The following AP3B1 variants were observed in gnomAD, a reference collection of about 807,000 sequenced individuals.
The protein encoded by AP3B1 is AP-3 complex subunit beta-1.
A neutral mutation model predicts 132.5 loss-of-function variants in AP3B1; 61 were observed. That is an observed-to-expected ratio of 0.46 (90% CI 0.37 to 0.57). The LOEUF (loss-of-function observed/expected upper bound fraction) is 0.57, where lower values mean the gene tolerates loss of function less well. AP3B1 is among the 20% of genes least tolerant of loss of function. The pLI, the probability that AP3B1 is intolerant of heterozygous loss-of-function variation, is 0.00. For missense variants in AP3B1, 1,120 were observed against 1,289.4 expected, an observed-to-expected ratio of 0.87 and a Z score of 2.01; for synonymous variants, 388 against 438.3, an observed-to-expected ratio of 0.89 and a Z score of 1.43.
chr5:78,046,178 G>A (rs1243329248), intron 22 of AP3B1, among the ~76,000 whole-genome samples: 1 of 152,210 alleles, frequency 6.6e-6, no homozygotes, highest in East Asian at 1.9e-4. Context: ...ACCTGTACCA[G>A]GCCATGGGTT....
intron 11 of AP3B1, among the ~76,000 whole-genome samples, chr5:78,175,079 C>A (rs999572019): frequency 6.6e-6 from 1 of 152,252 alleles, no homozygotes; most frequent in Non-Finnish European, 1.5e-5. Flanking sequence ...CTTGGGAAAG[C>A]GCAGTTTTTG....
At position 78,060,170 on chromosome 5, in the gene AP3B1, A is replaced by G. The variant is rs914371837; in HGVS notation, c.2578-20896T>C. ...CTCTCTAAAATAAGCACAATACAAA[A>G]AGTCAGATGTTTATAAAAGTTATAC... On this transcript the variant is annotated intron_variant, in intron 22 of 26. Transcript: ENST00000255194. Among the ~76,000 whole-genome samples the G allele has an allele frequency of 3.9e-5, 6 of 152,326 alleles. 1 individual carries two copies. Among genetic ancestry groups the G allele is most frequent in the Admixed American group, 3.9e-4 (6 of 15,306 alleles).
chr5:78,068,151 C>A (rs1206023783), intron 22 of AP3B1, among the ~76,000 whole-genome samples: 1 of 152,030 alleles, frequency 6.6e-6, no homozygotes, highest in Non-Finnish European at 1.5e-5. Context: ...ATGGAGAAAC[C>A]CCATCTCTAC....
intron 15 of AP3B1, among the ~76,000 whole-genome samples, chr5:78,139,599 A>G (rs1400593766): frequency 6.6e-6 from 1 of 152,220 alleles, no homozygotes; most frequent in Non-Finnish European, 1.5e-5. Flanking sequence ...AGCAAAAGCT[A>G]TAATAAGATA....
intron 17 of AP3B1, among the ~76,000 whole-genome samples, chr5:78,118,225 G>C (rs1751949990): frequency 6.6e-6 from 1 of 152,198 alleles, no homozygotes; most frequent in Admixed American, 6.5e-5. Flanking sequence ...TGGCCGAATA[G>C]GAACAGCTCC....
chr5:78,181,869 T>C (rs1225240117), intron 7 of AP3B1, among the ~76,000 whole-genome samples: 4 of 152,198 alleles, frequency 2.6e-5, no homozygotes, highest in Non-Finnish European at 5.9e-5. Context: ...TACTGTGCTA[T>C]AGATGATGTG....
At chr5:78,155,626 C>A in intron 14 of AP3B1, among the ~76,000 whole-genome samples, 1 of 151,692 alleles carries the variant, frequency 6.6e-6, no homozygotes, top group East Asian at 1.9e-4. Context: ...GTGAAAGATG[C>A]CAGAAACAAA....
intron 22 of AP3B1, among the ~76,000 whole-genome samples, chr5:78,047,218 G>A (rs1236900941): frequency 6.6e-6 from 1 of 152,220 alleles, no homozygotes; most frequent in African/African-American, 2.4e-5. Context: ...TATATACCCA[G>A]TAATGGGATT....
chr5:78,043,862 T>G (rs1322630469), intron 22 of AP3B1: 13 of 366,130 alleles, frequency 3.6e-5, no homozygotes, highest in Non-Finnish European at 6.4e-5. Flanking sequence ...ACACAGGCAT[T>G]GACATGACCA....
intron 1 of AP3B1, among the ~76,000 whole-genome samples, chr5:78,282,513 G>T (rs1171144914): frequency 6.6e-6 from 1 of 152,068 alleles, no homozygotes; most frequent in Admixed American, 6.6e-5. Flanking sequence ...CACATTAAAG[G>T]TACTTTGTAT....
At chr5:78,267,703 A>G in intron 1 of AP3B1, 108 bp from the exon 2 acceptor site, 1 of 680,136 alleles carries the variant, frequency 1.5e-6, no homozygotes, top group South Asian at 2.0e-5. Context: ...GCAATGTTAA[A>G]TAACTGCAGC....
chr5:78,151,623 T>C (rs1464085797), intron 14 of AP3B1, among the ~76,000 whole-genome samples: 1 of 152,324 alleles, frequency 6.6e-6, no homozygotes, highest in East Asian at 1.9e-4. Flanking sequence ...ATATGTTTTT[T>C]GTCCCTCATT....
chr5:78,195,043 T>C (rs980293907), intron 7 of AP3B1, among the ~76,000 whole-genome samples: 2 of 147,702 alleles, frequency 1.4e-5, no homozygotes, highest in African/African-American at 2.5e-5. Context: ...TTTAAAAATA[T>C]ACATTTAAGC....
At chr5:78,050,384 T>C (rs538669049) in intron 22 of AP3B1, among the ~76,000 whole-genome samples, 1 of 152,336 alleles carries the variant, frequency 6.6e-6, no homozygotes, top group Admixed American at 6.5e-5. Context: ...ACTCAAAGCA[T>C]AATTTTACTA....
chr5:78,059,556 C>T (rs1273594969), intron 22 of AP3B1, among the ~76,000 whole-genome samples: 2 of 83,942 alleles, frequency 2.4e-5, no homozygotes, highest in Non-Finnish European at 4.7e-5. Flanking sequence ...AGCAACAAAA[C>T]TCCGCAGTAT....
intron 26 of AP3B1, among the ~76,000 whole-genome samples, chr5:78,009,925 T>C (rs1013756393): frequency 2.0e-5 from 3 of 152,164 alleles, no homozygotes; most frequent in African/African-American, 7.2e-5. Flanking sequence ...AATATCACCT[T>C]TTCTCCTCAG....
chr5:78,142,058 A>T (rs1023625644), intron 14 of AP3B1, among the ~76,000 whole-genome samples: 1 of 152,218 alleles, frequency 6.6e-6, no homozygotes, highest in African/African-American at 2.4e-5. Flanking sequence ...TCAAACTGAT[A>T]AGATCATCAA....
intron 11 of AP3B1, among the ~76,000 whole-genome samples, chr5:78,167,654 CACACAT>C (rs1743699874): frequency 2.0e-5 from 3 of 152,082 alleles, no homozygotes; most frequent in Admixed American, 1.3e-4. Flanking sequence ...CACACACACA[CACACAT>C]ACACACCATG....
At chr5:78,274,106 A>T (rs1010590395) in intron 1 of AP3B1, among the ~76,000 whole-genome samples, 24 of 152,066 alleles carry the variant, frequency 1.6e-4, no homozygotes, top group South Asian at 8.3e-4. Context: ...CAGGGATTTT[A>T]AAATAATTAC....
Sources: gnomAD v4.1 joint callset for allele counts (sites outside exome capture counted in the v4.1 genomes callset) on GRCh38, gnomAD v4.1.1 for gene constraint, MANE v1.5 for transcripts, NCBI Gene and HGNC (gene_info 2026-07-23, HGNC 2026-07-21) for gene names.